EDA: variants seen among roughly 807,000 people sequenced by gnomAD.
EDA encodes the protein ectodysplasin A, also known as ectodysplasin-A.
Under a neutral mutation model 23.6 loss-of-function variants are expected in EDA, and 2 were observed. The observed-to-expected ratio is 0.08, with a 90% CI of 0.03 to 0.27. The LOEUF is 0.27. Among genes scored for constraint, EDA ranks in the 10% least tolerant of loss-of-function variants. EDA has a pLI of 1.00. For synonymous variants in EDA, 131 were observed against 132.0 expected (o/e 0.99, Z 0.05); for missense variants, 229 against 324.2 (o/e 0.71, Z 2.26).
chrX:69,783,258 G>T (rs773927723), intron 1 of EDA, among the ~76,000 whole-genome samples: 79 of 110,893 alleles, frequency 7.1e-4, no homozygotes, highest in African/African-American at 2.4e-3. Context: ...AATGACAGAA[G>T]AGATTTTTTT....
intron 2 of EDA, among the ~76,000 whole-genome samples, chrX:70,009,639 T>A (rs2019848925): frequency 8.9e-6 from 1 of 111,905 alleles, no homozygotes; most frequent in Non-Finnish European, 1.9e-5. Context: ...CAGGCTGGAA[T>A]GTAGTGGCTC....
chrX:69,637,188 G>A (rs1932787066), intron 1 of EDA, among the ~76,000 whole-genome samples: 1 of 111,634 alleles, frequency 9.0e-6, no homozygotes, highest in Non-Finnish European at 1.9e-5. Context: ...TAGTCCACAG[G>A]TATACTTCAA....
chrX:69,746,580 G>A (rs1200890256), intron 1 of EDA, among the ~76,000 whole-genome samples: 1 of 110,754 alleles, frequency 9.0e-6, no homozygotes, highest in Admixed American at 9.7e-5. Context: ...AGAAGGGAAG[G>A]GTATAAATTG....
At chrX:69,961,081 G>C (rs1004155670) in intron 2 of EDA, among the ~76,000 whole-genome samples, 8 of 111,409 alleles carry the variant, frequency 7.2e-5, no homozygotes. Flanking sequence ...TACTTCATTT[G>C]TTTGGTCATT....
At chrX:69,928,878 C>T (rs1363900137) in intron 1 of EDA, among the ~76,000 whole-genome samples, 2 of 111,415 alleles carry the variant, frequency 1.8e-5, no homozygotes, top group Non-Finnish European at 3.8e-5. Context: ...TTTGGGTAGC[C>T]TACTATCCTT....
At chrX:69,978,318 TA>T (rs144187734) in intron 2 of EDA, among the ~76,000 whole-genome samples, 30 of 20,413 alleles carry the variant, frequency 1.5e-3, no homozygotes, top group Non-Finnish European at 2.6e-3. Context: ...ACTCCATCTC[TA>T]AAAAAAAAAA....
At chrX:69,837,957 T>G (rs532548632) in intron 1 of EDA, among the ~76,000 whole-genome samples, 5 of 112,627 alleles carry the variant, frequency 4.4e-5, no homozygotes, top group Middle Eastern at 4.6e-3. Flanking sequence ...GTGATACATT[T>G]CAGACATTAT....
intron 2 of EDA, among the ~76,000 whole-genome samples, chrX:69,995,969 G>C (rs1250819136): frequency 8.9e-6 from 1 of 111,745 alleles, no homozygotes; most frequent in African/African-American, 3.3e-5. Context: ...TCACAGCCTA[G>C]ATTTCAACAA....
chrX:69,765,464 A>G (rs1230876272), intron 1 of EDA, among the ~76,000 whole-genome samples: 3 of 111,644 alleles, frequency 2.7e-5, no homozygotes, highest in East Asian at 5.6e-4. Flanking sequence ...TTGTCTTCCT[A>G]TTCTGTGATG....
chrX:69,827,109 C>A (rs774672887), intron 1 of EDA, among the ~76,000 whole-genome samples: 1 of 111,666 alleles, frequency 9.0e-6, no homozygotes, highest in Non-Finnish European at 1.9e-5. Flanking sequence ...GTAACCCGAC[C>A]TTTCTCTCTG....
At chrX:69,837,689 A>G (rs2016808648) in intron 1 of EDA, among the ~76,000 whole-genome samples, 1 of 112,265 alleles carries the variant, frequency 8.9e-6, no homozygotes, top group African/African-American at 3.2e-5. Context: ...GCGAATAGTC[A>G]TGGAGATCGT....
chrX:69,700,596 G>A, intron 1 of EDA, among the ~76,000 whole-genome samples: 1 of 110,879 alleles, frequency 9.0e-6, no homozygotes, highest in Non-Finnish European at 1.9e-5. Flanking sequence ...TGACTGGCAA[G>A]GAGGCGAGAA....
At chrX:69,711,929 C>T (rs2012066016) in intron 1 of EDA, among the ~76,000 whole-genome samples, 1 of 110,916 alleles carries the variant, frequency 9.0e-6, no homozygotes, top group African/African-American at 3.3e-5. Flanking sequence ...TTTTGTTGAT[C>T]TTTTCAAAAA....
rs188389712 is a variant in EDA at position 69,736,658 on chromosome X, A to C, written c.396+119954A>C. 2.9e-3 allele frequency among the ~76,000 whole-genome samples: 324 copies of C among 110,408 alleles called. 1 individual carries two copies. Among genetic ancestry groups the C allele is most frequent in the African/African-American group, 0.01 (313 of 30,266 alleles). ...CTCTAAAGTTTTAACTCCCCTTCAAAATCTACCTGTTTTTGGTTACTTGGC... is the reference window on the plus strand; with the variant it reads ...CTCTAAAGTTTTAACTCCCCTTCAACATCTACCTGTTTTTGGTTACTTGGC... On this transcript the variant is annotated intron_variant, in intron 1 of 7. Coordinates refer to ENST00000374552, the MANE Select transcript of EDA (RefSeq NM_001399.5).
chrX:70,036,034 G>A lies in EDA; in HGVS notation c.*425G>A, dbSNP rs2020263174. 2 of 171,709 alleles carry A rather than the reference G, an allele frequency of 1.2e-5. No homozygotes were observed. The highest frequency in any genetic ancestry group is 2.2e-5 in the Non-Finnish European group (2 of 91,731). 14.2% of individuals were successfully genotyped at this position (171,709 alleles called of 1,213,427 possible). A position where few individuals can be genotyped will look rare whatever the true frequency, so the allele number is the denominator to read the frequency against. ...GGCTGCTGCTCCTCTCTTGGGTAGG[G>A]TAGTGGCTGGGGTGGAGTGGGAAGG... On this transcript the variant is annotated 3_prime_UTR_variant, in exon 8 of 8. Transcript: ENST00000374552.
chrX:70,000,384 T>A (rs1026899152), intron 2 of EDA, among the ~76,000 whole-genome samples: 3 of 112,644 alleles, frequency 2.7e-5, no homozygotes, highest in African/African-American at 6.4e-5. Flanking sequence ...AGGTCTTATA[T>A]TATCTGTTTG....
intron 2 of EDA, among the ~76,000 whole-genome samples, chrX:70,018,614 G>A (rs1018439364): frequency 2.7e-5 from 3 of 111,853 alleles, no homozygotes; most frequent in African/African-American, 9.7e-5. Flanking sequence ...AATGGTGCTG[G>A]GATAGCTGGC....
chrX:69,869,498 T>C (rs2017533697), intron 1 of EDA, among the ~76,000 whole-genome samples: 1 of 111,442 alleles, frequency 9.0e-6, no homozygotes. Context: ...GGGTCCTTCC[T>C]CAAGGGGACC....
intron 1 of EDA, among the ~76,000 whole-genome samples, chrX:69,865,595 GT>G (rs1190029509): frequency 9.0e-6 from 1 of 111,692 alleles, no homozygotes; most frequent in Non-Finnish European, 1.9e-5. Flanking sequence ...TGACTCAATT[GT>G]TAATCTCTTT....
Sources: gnomAD v4.1 joint callset for allele counts (sites outside exome capture counted in the v4.1 genomes callset) on GRCh38, gnomAD v4.1.1 for gene constraint, MANE v1.5 for transcripts, NCBI Gene and HGNC (gene_info 2026-07-23, HGNC 2026-07-21) for gene names.